PSG7: variants seen among roughly 807,000 people sequenced by gnomAD.
The protein encoded by PSG7 is pregnancy-specific beta-1-glycoprotein 7.
In PSG7, 57 loss-of-function variants were observed where a neutral mutation model predicts 45.6. That is an observed-to-expected ratio of 1.25 (90% confidence interval 1.01 to 1.56). PSG7 has a LOEUF of 1.56. Ranked by LOEUF, PSG7 falls within the 40% of genes most tolerant of loss-of-function variation. The pLI is 0.00. For synonymous variants in PSG7, 298 were observed against 194.4 expected (o/e 1.53, Z -4.43); for missense variants, 796 against 508.4 (o/e 1.57, Z -5.44).
Position 42,933,290 on chromosome 19 carries a change from TATATATATATATATATA to T in PSG7, c.430+2097_430+2113del, listed in dbSNP as rs1285429648. Among the ~76,000 whole-genome samples, 32 of 12,040 alleles carry T rather than the reference TATATATATATATATATA, an allele frequency of 2.7e-3. 2 individuals carry two copies. In the East Asian group the frequency reaches 0.042, roughly 16 times the overall value. The allele number at this position is 12,040 out of a possible 152,430, so 7.9% of individuals were successfully genotyped here. ...CAATATATATATATATATATATATA[TATATATATATATATATA>T]TTTTTTTTTTTTTTTGGTGTATGTA... On this transcript the variant is annotated intron_variant, in intron 2 of 5. Transcript: ENST00000406070.
At chr19:42,934,659 C>G (rs1013745413) in intron 2 of PSG7, among the ~76,000 whole-genome samples, 8 of 151,848 alleles carry the variant, frequency 5.3e-5, no homozygotes, top group African/African-American at 1.9e-4. Flanking sequence ...AGCACCTTTA[C>G]GTCAGATCCC....
In PSG7 at chr19:42,937,025, G is replaced by GC. The variant is rs1198007778; in HGVS notation, c.51dup (p.Leu18AlafsTer22). On this transcript the variant is annotated frameshift_variant, in exon 1 of 6. Transcript: ENST00000406070. LOFTEE classifies it high-confidence loss of function. ...GTTCTCTCCTCACCTGTGAGCAGGAGCCCTTTCCAGGTTATATGCTGTGTG... is the reference window on the plus strand; with the variant it reads ...GTTCTCTCCTCACCTGTGAGCAGGAGCCCCTTTCCAGGTTATATGCTGTGTG... 5.6e-6 allele frequency: 9 copies of GC among 1,611,394 alleles called. No homozygotes were observed. Among genetic ancestry groups the GC allele is most frequent in the South Asian group, 1.1e-5 (1 of 90,798 alleles).
In PSG7 at chr19:42,935,626, C is replaced by T. The variant is rs782801626; in HGVS notation, c.208G>A (p.Gly70Arg). 2 of 1,612,068 alleles carry T rather than the reference C, an allele frequency of 1.2e-6. No individual in the cohort carries two copies. Among genetic ancestry groups the T allele is most frequent in the Non-Finnish European group, 1.7e-6 (2 of 1,179,128 alleles). Reference protein sequence around the residue: ...QNLTGYIWYKGQIRDLYHYVT... With the variant: ...QNLTGYIWYKRQIRDLYHYVT... ...TAATGGTAGAGGTCCCTGATTTGTCCTTTGTACCAGATGTAGCCAGTAAGA... is the reference window on the plus strand; with the variant it reads ...TAATGGTAGAGGTCCCTGATTTGTCTTTTGTACCAGATGTAGCCAGTAAGA... Residue 70 changes from glycine (G) to arginine (R), a missense_variant, in exon 2 of 6, where the codon GGA becomes AGA. Coordinates refer to ENST00000406070, the MANE Select transcript of PSG7 (RefSeq NM_002783.3).
At chr19:42,928,370 G>A (rs1972940527) in intron 3 of PSG7, among the ~76,000 whole-genome samples, 1 of 151,528 alleles carries the variant, frequency 6.6e-6, no homozygotes, top group Non-Finnish European at 1.5e-5. Context: ...AACTCACTTT[G>A]CGTAGTATTT....
chr19:42,933,793 G>A (rs933998882), intron 2 of PSG7, among the ~76,000 whole-genome samples: 3 of 151,046 alleles, frequency 2.0e-5, no homozygotes, highest in Non-Finnish European at 3.0e-5. Context: ...GGGACAAGGT[G>A]CCCCCATTTC....
chr19:42,926,165 G>C lies in PSG7; in HGVS notation c.989-138C>G, dbSNP rs568171874. The C allele has an allele frequency of 9.6e-6, 14 of 1,456,862 alleles. No individual in the cohort carries two copies. The Middle Eastern group carries it at 7.5e-4, about 78-fold the overall frequency. The allele number at this position is 1,456,862 out of a possible 1,614,324, so 90.2% of individuals were successfully genotyped here. A position where few individuals can be genotyped will look rare whatever the true frequency, so the allele number is the denominator to read the frequency against. Reference sequence around the variant, plus strand: ...GCCAAATCCCCTCTATGTTCACTGAGCCGAAGCCTGAGGTATTCACCTGTT... The same window carrying C: ...GCCAAATCCCCTCTATGTTCACTGACCCGAAGCCTGAGGTATTCACCTGTT... On this transcript the variant is annotated intron_variant, in intron 4 of 5. Coordinates refer to ENST00000406070, the MANE Select transcript of PSG7 (RefSeq NM_002783.3).
At chr19:42,929,226 C>T in intron 3 of PSG7, 1 of 1,122,880 alleles carries the variant, frequency 8.9e-7, no homozygotes, top group East Asian at 2.5e-5. Context: ...AAGCTGTGGA[C>T]CCTGAGTCTC....
At position 42,933,354 on chromosome 19, in the gene PSG7, AC is replaced by A. The variant is rs374423495; in HGVS notation, c.430+2049del. 9.8e-5 allele frequency among the ~76,000 whole-genome samples: 12 copies of A among 121,862 alleles called. No individual in the cohort carries two copies. The South Asian group carries it at 1.8e-3, about 18-fold the overall frequency. The allele number at this position is 121,862 out of a possible 152,430, so 79.9% of individuals were successfully genotyped here. On this transcript the variant is annotated intron_variant, in intron 2 of 5. Transcript: ENST00000406070. ...TGTATGTGTGCAGGAGGCCAGAAGA[AC>A]TTGTCTGGCAATTATAAGAGTGGAT...
chr19:42,930,427 C>A (rs57515613), intron 2 of PSG7, among the ~76,000 whole-genome samples: 19,979 of 151,418 alleles, frequency 0.13, 1,768 homozygotes, highest in Admixed American at 0.17. Flanking sequence ...ATAGGTTTGG[C>A]CCAAGACCAT....
rs565431064 is a variant in PSG7, at chr19:42,936,980, T to C, written c.64+33A>G. ...CCCCATCCAGTCACTCTGCTTCCTT[T>C]TCCTGTCCTCTCCCAGGAAGTTCTC... is the stretch of plus-strand genomic sequence containing the variant. On this transcript the variant is annotated intron_variant, in intron 1 of 5. Coordinates refer to ENST00000406070, the MANE Select transcript of PSG7 (RefSeq NM_002783.3). 1,716 of 1,608,124 alleles carry C rather than the reference T, an allele frequency of 1.1e-3. 47 individuals carry two copies. The highest frequency in any genetic ancestry group is 4.1e-3 in the East Asian group (183 of 44,686).
intron 2 of PSG7, 69 bp from the exon 3 acceptor site, chr19:42,929,789 C>T: frequency 1.9e-6 from 3 of 1,551,390 alleles, no homozygotes; most frequent in Non-Finnish European, 2.6e-6. Flanking sequence ...ATTTTTCAAT[C>T]AGAGTTGGCA....
intron 3 of PSG7, 104 bp from the exon 4 acceptor site, chr19:42,926,820 G>T: frequency 1.3e-6 from 2 of 1,533,192 alleles, no homozygotes; most frequent in Non-Finnish European, 1.8e-6. Flanking sequence ...ACACGTGTGA[G>T]TCCTTGAAAG....
At position 42,924,816 on chromosome 19, in the gene PSG7, A is replaced by C. The variant is rs1972490777; in HGVS notation, c.1252T>G (p.Leu418Val). Residue 418 changes from leucine (L) to valine (V), a missense_variant, in exon 6 of 6, where the codon TTA becomes GTA. Coordinates refer to ENST00000406070, the MANE Select transcript of PSG7 (RefSeq NM_002783.3). ...GGAGGAACTAGTAGAATTCAGGGTA[A>C]TGTCCAGTCTACAGTGGATAATAAA... The part of the protein sequence containing the change: ...SVTVRVSDWT[L>V]P 9.2e-6 allele frequency: 7 copies of C among 759,238 alleles called. No homozygotes were observed. The highest frequency in any genetic ancestry group is 7.2e-5 in the African/African-American group (4 of 55,480). The allele number at this position is 759,238 out of a possible 1,614,324, so 47.0% of individuals were successfully genotyped here. A position where few individuals can be genotyped will look rare whatever the true frequency, so the allele number is the denominator to read the frequency against.
chr19:42,935,708 T>G lies in PSG7; in HGVS notation c.126A>C (p.Pro42=). Residue 42 remains proline, a synonymous_variant, in exon 2 of 6, where the codon CCA becomes CCC. Coordinates refer to ENST00000406070, the MANE Select transcript of PSG7 (RefSeq NM_002783.3). ...TTAQVTIEAQ[P]PKVSEGKDVL... ...CATCCTTCCCCTCGGAAACTTTTGG[T>G]GGCTGGGCTTCAATCGTGACTTGGG... 6.2e-7 allele frequency: 1 copy of G among 1,611,928 alleles called. No homozygotes were observed. The highest frequency in any genetic ancestry group is 8.5e-7 in the Non-Finnish European group (1 of 1,179,030).
At position 42,936,204 on chromosome 19, in the gene PSG7, C is replaced by T. The variant is rs555006838; in HGVS notation, c.65-435G>A. On this transcript the variant is annotated intron_variant, in intron 1 of 5. Transcript: ENST00000406070. ...CTGCTCCCTCCAGGGTTCTTGTCAA[C>T]ACCTGATCTCACATTCTAGATCTCT... 80 of 176,474 alleles carry T rather than the reference C, an allele frequency of 4.5e-4. 1 individual carries two copies. The highest frequency in any genetic ancestry group is 4.0e-3 in the South Asian group (30 of 7,500). 10.9% of individuals were successfully genotyped at this position (176,474 alleles called of 1,614,324 possible). A position where few individuals can be genotyped will look rare whatever the true frequency, so the allele number is the denominator to read the frequency against.
Position 42,926,582 on chromosome 19 carries a change from C to T in PSG7, c.844G>A (p.Val282Ile). 6.2e-7 allele frequency: 1 copy of T among 1,610,274 alleles called. No homozygotes were observed. Among genetic ancestry groups the T allele is most frequent in the Non-Finnish European group, 8.5e-7 (1 of 1,179,012 alleles). ...IWWLNGQSLP[V>I]SPRVKRRIEN... is the part of the protein sequence containing the mutation. ...ATGCGTCGCTTTACCCTGGGACTGACCGGGAGGCTCTGACCATTTAGCCAC... is the reference window on the plus strand; with the variant it reads ...ATGCGTCGCTTTACCCTGGGACTGATCGGGAGGCTCTGACCATTTAGCCAC... The change falls in exon 4 of 6, where the codon GTC becomes ATC. Residue 282 changes from valine (V) to isoleucine (I), a missense_variant. By Grantham distance (29) the Val-to-Ile change is conservative. Coordinates refer to ENST00000406070, the MANE Select transcript of PSG7 (RefSeq NM_002783.3).
In PSG7 at chr19:42,935,614, C is replaced by G; in HGVS notation, c.220G>C (p.Asp74His). The G allele has an allele frequency of 6.2e-7, 1 of 1,611,982 alleles. No homozygotes were observed. The highest frequency in any genetic ancestry group is 8.5e-7 in the Non-Finnish European group (1 of 1,179,076). ...TATGATGTAACATAATGGTAGAGGTCCCTGATTTGTCCTTTGTACCAGATG... is the reference window on the plus strand; with the variant it reads ...TATGATGTAACATAATGGTAGAGGTGCCTGATTTGTCCTTTGTACCAGATG... The part of the protein sequence containing the change: ...GYIWYKGQIR[D>H]LYHYVTSYIV... The change falls in exon 2 of 6, where the codon GAC (aspartate) becomes CAC (histidine). Residue 74 changes from aspartate to histidine, a missense_variant. Transcript: ENST00000406070.
At chr19:42,927,079 T>C (rs1286496491) in intron 3 of PSG7, 1 of 313,202 alleles carries the variant, frequency 3.2e-6, no homozygotes, top group East Asian at 6.2e-5. Flanking sequence ...TGCTGGGCCC[T>C]TTCCAAATTG....
At chr19:42,925,559 T>C in intron 5 of PSG7, 1 of 1,226,360 alleles carries the variant, frequency 8.2e-7, no homozygotes. Context: ...TTTTTCCTGC[T>C]TGGTCTAGGC....
Sources: allele counts gnomAD v4.1 joint callset (sites outside exome capture counted in the v4.1 genomes callset), GRCh38; gene constraint gnomAD v4.1.1; transcripts MANE v1.5; gene names NCBI Gene and HGNC (gene_info 2026-07-23, HGNC 2026-07-21).